Variants in NUB1 observed in about 807,000 individuals in gnomAD.
NUB1 encodes the protein negative regulator of ubiquitin like proteins 1, also known as NEDD8 ultimate buster 1.
In NUB1, 41 loss-of-function variants were observed where a neutral mutation model predicts 77.1. The ratio of observed to expected loss-of-function variants is 0.53; its 90% confidence interval spans 0.41 to 0.69. The LOEUF is 0.69. NUB1 is among the 30% of genes least tolerant of loss of function. The pLI, the probability that NUB1 is intolerant of heterozygous loss-of-function variation, is 0.00. For missense variants in NUB1, 643 were observed against 743.8 expected (o/e 0.86, Z 1.58); for synonymous variants, 257 against 281.0 (o/e 0.91, Z 0.85).
At chr7:151,358,623 C>T (rs1280037651) in intron 7 of NUB1, among the ~76,000 whole-genome samples, 1 of 152,214 alleles carries the variant, frequency 6.6e-6, no homozygotes, top group Non-Finnish European at 1.5e-5. Flanking sequence ...AACCATCTGC[C>T]TTCCTCCTTG....
At chr7:151,357,767 G>T (rs1344249101) in intron 7 of NUB1, among the ~76,000 whole-genome samples, 1 of 151,126 alleles carries the variant, frequency 6.6e-6, no homozygotes, top group African/African-American at 2.4e-5. Flanking sequence ...GCCCCACCAT[G>T]CCTGGCTAAT....
In NUB1 at chr7:151,349,032, T is replaced by A. The variant is rs555883274; in HGVS notation, c.118-41T>A. On this transcript the variant is annotated intron_variant, in intron 2 of 14. Coordinates refer to ENST00000568733, the MANE Select transcript of NUB1 (RefSeq NM_001243351.2). ...GCCCTTTTCTATATTTTGCCTTTTT[T>A]TTTTTAAGTCAGTATTGCATTTTCT... The A allele has an allele frequency of 1.3e-4, 205 of 1,576,978 alleles. 3 individuals carry two copies. In the South Asian group the frequency reaches 2.3e-3, roughly 17 times the overall value.
intron 8 of NUB1, chr7:151,361,217 A>G (rs1017878610): frequency 1.3e-5 from 2 of 152,264 alleles, no homozygotes; most frequent in African/African-American, 4.8e-5. Flanking sequence ...TTGTTTTCAG[A>G]ATAAATGAGT....
intron 3 of NUB1, chr7:151,351,068 G>A (rs1223550131): frequency 3.7e-6 from 1 of 269,028 alleles, no homozygotes; most frequent in African/African-American, 2.3e-5. Flanking sequence ...GCAGAAAATG[G>A]ATTAGTGGTT....
chr7:151,373,740 C>T (rs1264078367), intron 11 of NUB1, among the ~76,000 whole-genome samples: 1 of 152,224 alleles, frequency 6.6e-6, no homozygotes, highest in Non-Finnish European at 1.5e-5. Context: ...TACCTGGTTC[C>T]TAGAAGAGAA....
At chr7:151,377,024 A>G in intron 14 of NUB1, 23 bp from the exon 15 acceptor site, 1 of 1,511,372 alleles carries the variant, frequency 6.6e-7, no homozygotes, top group South Asian at 1.3e-5. Flanking sequence ...TAATTCACTT[A>G]CTCCTGCGGT....
intron 1 of NUB1, among the ~76,000 whole-genome samples, chr7:151,343,561 G>A (rs1022709001): frequency 1.3e-5 from 2 of 152,072 alleles, no homozygotes; most frequent in African/African-American, 4.8e-5. Flanking sequence ...TTTACTTATT[G>A]CTTGTCTGAT....
At chr7:151,373,600 G>A (rs1798056876) in intron 11 of NUB1, among the ~76,000 whole-genome samples, 2 of 152,236 alleles carry the variant, frequency 1.3e-5, no homozygotes, top group East Asian at 1.9e-4. Context: ...GCTGTGGGGG[G>A]CGGGTCACCA....
At position 151,378,222 on chromosome 7, in the gene NUB1, A is replaced by G. The variant is rs6747; in HGVS notation, c.*997A>G. The G allele has an allele frequency of 0.78, 118,990 of 152,214 alleles. 47,364 individuals are homozygous for G. Among genetic ancestry groups the G allele is most frequent in the East Asian group, 0.99 (5,122 of 5,168 alleles). 9.4% of individuals were successfully genotyped at this position (152,214 alleles called of 1,614,324 possible). ...GGGAGTTCCTTCCAGCCCCAGGACC[A>G]CAGCAGCAGCCAGGTGCCGAGTGGA... On this transcript the variant is annotated 3_prime_UTR_variant, in exon 15 of 15. Coordinates refer to ENST00000568733, the MANE Select transcript of NUB1 (RefSeq NM_001243351.2).
chr7:151,376,559 T>C (rs974013080), intron 13 of NUB1, 75 bp from the exon 14 acceptor site: 3 of 1,386,810 alleles, frequency 2.2e-6, no homozygotes, highest in Non-Finnish European at 2.9e-6. Context: ...GAGTCGGCTG[T>C]CCACTCGTAT....
intron 1 of NUB1, among the ~76,000 whole-genome samples, chr7:151,343,987 C>T (rs1229193068): frequency 6.6e-6 from 1 of 151,680 alleles, no homozygotes; most frequent in African/African-American, 2.4e-5. Context: ...TGAGACCATC[C>T]TGGCCAACAC....
At chr7:151,376,209 A>G (rs1798229557) in intron 13 of NUB1, 1 of 486,602 alleles carries the variant, frequency 2.1e-6, no homozygotes. Flanking sequence ...TGTTTGCATC[A>G]GCCTCATTTC....
At position 151,343,358 on chromosome 7, in the gene NUB1, A is replaced by T. The variant is rs565607579; in HGVS notation, c.-3+1512A>T. Among the ~76,000 whole-genome samples, 6 of 152,296 alleles carry T rather than the reference A, an allele frequency of 3.9e-5. No individual in the cohort carries two copies. In the East Asian group the frequency reaches 1.2e-3, roughly 29 times the overall value. On this transcript the variant is annotated intron_variant, in intron 1 of 14. Coordinates refer to ENST00000568733, the MANE Select transcript of NUB1 (RefSeq NM_001243351.2). ...ATAAAATAGATTTGAACTTTCTTTTAAAAAATATTTGTTTATGAAATACAC... is the reference window on the plus strand; with the variant it reads ...ATAAAATAGATTTGAACTTTCTTTTTAAAAATATTTGTTTATGAAATACAC...
At chr7:151,362,599 G>A (rs1233410800) in intron 8 of NUB1, among the ~76,000 whole-genome samples, 1 of 152,226 alleles carries the variant, frequency 6.6e-6, no homozygotes, top group Non-Finnish European at 1.5e-5. Flanking sequence ...GGAGCTCAGT[G>A]TCTGGAGAAG....
chr7:151,350,347 C>T (rs1796730386), intron 3 of NUB1, among the ~76,000 whole-genome samples: 1 of 152,222 alleles, frequency 6.6e-6, no homozygotes, highest in Non-Finnish European at 1.5e-5. Context: ...GGAGAGGCTC[C>T]CTTTCCCAGT....
chr7:151,375,335 T>C (rs1326586774), intron 12 of NUB1, among the ~76,000 whole-genome samples: 2 of 152,170 alleles, frequency 1.3e-5, no homozygotes, highest in Non-Finnish European at 2.9e-5. Flanking sequence ...AAAATAGATG[T>C]GAATTATACG....
chr7:151,348,383 G>T (rs1049225842), intron 2 of NUB1, among the ~76,000 whole-genome samples: 8 of 148,300 alleles, frequency 5.4e-5, no homozygotes, highest in African/African-American at 7.5e-5. Context: ...TATTTTCTGG[G>T]TTTTTTTTTC....
chr7:151,377,541 G>T lies in NUB1; in HGVS notation c.*316G>T, dbSNP rs986697868. On this transcript the variant is annotated 3_prime_UTR_variant, in exon 15 of 15. Transcript: ENST00000568733. ...CTGTAGAACAGGGGTCCTGGGGAAG[G>T]TGTCCAGGGCAGGGTCCTGGGAAGG... 1 of 182,184 alleles carries T rather than the reference G, an allele frequency of 5.5e-6. No homozygotes were observed. The highest frequency in any genetic ancestry group is 1.1e-5 in the Non-Finnish European group (1 of 87,822). The allele number at this position is 182,184 out of a possible 1,614,324, so 11.3% of individuals were successfully genotyped here. A position where few individuals can be genotyped will look rare whatever the true frequency, so the allele number is the denominator to read the frequency against.
chr7:151,370,623 A>T (rs1470177493), intron 11 of NUB1, among the ~76,000 whole-genome samples: 2 of 151,774 alleles, frequency 1.3e-5, no homozygotes, highest in Non-Finnish European at 2.9e-5. Flanking sequence ...TACATGTGCC[A>T]TGCTGGTGCG....
Sources: gnomAD v4.1 joint callset for allele counts (sites outside exome capture counted in the v4.1 genomes callset) on GRCh38, gnomAD v4.1.1 for gene constraint, MANE v1.5 for transcripts, NCBI Gene and HGNC (gene_info 2026-07-23, HGNC 2026-07-21) for gene names.